ZKSCAN7: variants seen among roughly 807,000 people sequenced by gnomAD.
ZKSCAN7 encodes zinc finger protein with KRAB and SCAN domains 7.
In ZKSCAN7, 38 loss-of-function variants were observed where a neutral mutation model predicts 65.3. That is an observed-to-expected ratio of 0.58 (90% confidence interval 0.45 to 0.76). ZKSCAN7 has a LOEUF of 0.76. Among genes scored for constraint, ZKSCAN7 ranks in the 30% least tolerant of loss-of-function variants. The pLI is 0.00. For missense variants in ZKSCAN7, 815 were observed against 913.3 expected (o/e 0.89, Z 1.39); for synonymous variants, 321 against 321.0 (o/e 1.00, Z 0.00).
downstream of ZKSCAN7, among the ~76,000 whole-genome samples, chr3:44,572,849 C>CAAAGAAAAAAAAAAAAAAAA (rs1699845652): frequency 1.4e-5 from 1 of 72,436 alleles, no homozygotes; most frequent in Non-Finnish European, 2.7e-5. Flanking sequence ...GACTCTGTCT[C>CAAAGAAAAAAAAAAAAAAAA]AAAAAAAAAA....
Position 44,571,138 on chromosome 3 carries a change from C to T in ZKSCAN7, c.2028C>T (p.Ser676=), listed in dbSNP as rs1575376271. Residue 676 remains serine, a synonymous_variant, in exon 6 of 6, where the codon TCC becomes TCT. Coordinates refer to ENST00000426540, the MANE Select transcript of ZKSCAN7 (RefSeq NM_001288590.2). The part of the protein sequence containing the change: ...NECGKVFSYS[S]SLMVHQRTHT... ...GTGGGAAGGTATTCAGTTATAGCTC[C>T]AGCCTTATGGTACATCAGAGAACCC... The T allele has an allele frequency of 1.9e-6, 3 of 1,614,108 alleles. No individual in the cohort carries two copies. The highest frequency in any genetic ancestry group is 2.2e-5 in the East Asian group (1 of 44,880).
intron 5 of ZKSCAN7, chr3:44,582,945 T>TGTGTGTGTGA (rs71092320): frequency 2.4e-6 from 1 of 420,996 alleles, no homozygotes; most frequent in African/African-American, 2.1e-5. Flanking sequence ...TGTGTGTGTG[T>TGTGTGTGTGA]GACTGAGTTT....
Position 44,569,800 on chromosome 3 carries a change from A to G in ZKSCAN7, c.812-122A>G, listed in dbSNP as rs1699740006. The stretch of plus-strand genomic sequence containing the variant: ...ATTTCCCATTTTGCTCTTGTTCTCA[A>G]TGTGTCATCTCATTTCTTAACCATA... On this transcript the variant is annotated intron_variant, in intron 5 of 5. Coordinates refer to ENST00000426540, the MANE Select transcript of ZKSCAN7 (RefSeq NM_001288590.2). 4 of 1,396,192 alleles carry G rather than the reference A, an allele frequency of 2.9e-6. No individual in the cohort carries two copies. In the South Asian group the frequency reaches 6.5e-5, roughly 23 times the overall value. The allele number at this position is 1,396,192 out of a possible 1,614,324, so 86.5% of individuals were successfully genotyped here. A position where few individuals can be genotyped will look rare whatever the true frequency, so the allele number is the denominator to read the frequency against.
intron 5 of ZKSCAN7, chr3:44,580,886 G>A (rs1022230911): frequency 3.6e-5 from 58 of 1,613,518 alleles, no homozygotes; most frequent in Non-Finnish European, 4.5e-5. Context: ...GGAGCCAACC[G>A]CCATAAATGG....
At position 44,577,361 on chromosome 3, in the gene ZKSCAN7, G is replaced by A. The variant is rs530567957; in HGVS notation, c.812-5611G>A. On this transcript the variant is annotated intron_variant, in intron 5 of 5. Coordinates refer to the ZKSCAN7 transcript ENST00000341840. ...GAAAGGTTTGCCACGATTCTCAGGG[G>A]TGTGGTTCTAAGCTGCATCAGTGGA... Among the ~76,000 whole-genome samples, 8 of 152,138 alleles carry A rather than the reference G, an allele frequency of 5.3e-5. No individual in the cohort carries two copies. The South Asian group carries it at 1.7e-3, about 32-fold the overall frequency.
downstream of ZKSCAN7, among the ~76,000 whole-genome samples, chr3:44,576,276 C>T (rs1699922255): frequency 6.6e-6 from 1 of 152,162 alleles, no homozygotes; most frequent in African/African-American, 2.4e-5. Context: ...CATATATAGT[C>T]ATATCCACAG....
At chr3:44,580,165 G>A in intron 5 of ZKSCAN7, 1 of 1,608,952 alleles carries the variant, frequency 6.2e-7, no homozygotes, top group Non-Finnish European at 8.5e-7. Flanking sequence ...CTGGGGCTGG[G>A]AGGGGAGAGC....
At position 44,570,036 on chromosome 3, in the gene ZKSCAN7, C is replaced by T. The variant is rs374120621; in HGVS notation, c.926C>T (p.Ala309Val). The change falls in exon 6 of 6, where the codon GCA (alanine) becomes GTA (valine). Residue 309 changes from alanine (A) to valine (V), a missense_variant. Transcript: ENST00000426540. Reference protein sequence around the residue: ...GGLFGVVPGAAETGDVCEDTF... With the variant: ...GGLFGVVPGAVETGDVCEDTF... ...CTCTTTGGGGTGGTTCCTGGGGCAGCAGAGACTGGAGATGTTTGTGAAGAT... is the reference window on the plus strand; with the variant it reads ...CTCTTTGGGGTGGTTCCTGGGGCAGTAGAGACTGGAGATGTTTGTGAAGAT... The T allele has an allele frequency of 1.2e-6, 2 of 1,613,814 alleles. No individual in the cohort carries two copies. Among genetic ancestry groups the T allele is most frequent in the African/African-American group, 2.7e-5 (2 of 74,980 alleles).
At chr3:44,581,374 G>A (rs1700084666) in intron 5 of ZKSCAN7, among the ~76,000 whole-genome samples, 1 of 151,878 alleles carries the variant, frequency 6.6e-6, no homozygotes, top group South Asian at 2.1e-4. Context: ...CCCCGCGGCC[G>A]CTGCAAATGA....
chr3:44,580,116 A>G (rs916031135), intron 5 of ZKSCAN7: 7 of 1,610,312 alleles, frequency 4.3e-6, no homozygotes, highest in Non-Finnish European at 5.9e-6. Context: ...CAAGGCCTCA[A>G]ACTTTTCAAT....
intron 3 of ZKSCAN7, among the ~76,000 whole-genome samples, chr3:44,566,096 A>C (rs1044220399): frequency 2.0e-5 from 3 of 152,202 alleles, no homozygotes; most frequent in African/African-American, 7.2e-5. Flanking sequence ...TGGAACTGGT[A>C]AGGGATGCTT....
Position 44,571,616 on chromosome 3 carries a change from A to C in ZKSCAN7, c.*241A>C. ...TTCCTTTTTTTTTCTTTACTTTTAAATTTTAACTTTTAAAATCTATTTCAT... is the reference window on the plus strand; with the variant it reads ...TTCCTTTTTTTTTCTTTACTTTTAACTTTTAACTTTTAAAATCTATTTCAT... On this transcript the variant is annotated 3_prime_UTR_variant, in exon 6 of 6. Coordinates refer to ENST00000426540, the MANE Select transcript of ZKSCAN7 (RefSeq NM_001288590.2). The C allele has an allele frequency of 7.4e-7, 1 of 1,344,492 alleles. No individual in the cohort carries two copies. Among genetic ancestry groups the C allele is most frequent in the Non-Finnish European group, 9.5e-7 (1 of 1,051,292 alleles). 83.3% of individuals were successfully genotyped at this position (1,344,492 alleles called of 1,614,324 possible). A position where few individuals can be genotyped will look rare whatever the true frequency, so the allele number is the denominator to read the frequency against.
intron 5 of ZKSCAN7, among the ~76,000 whole-genome samples, chr3:44,581,665 A>G: frequency 6.6e-6 from 1 of 152,230 alleles, no homozygotes; most frequent in East Asian, 1.9e-4. Flanking sequence ...TAATATATAT[A>G]TGTTTTAGTC....
At chr3:44,556,842 G>A (rs1354464254) in intron 1 of ZKSCAN7, 88 bp from the exon 2 acceptor site, 1 of 681,348 alleles carries the variant, frequency 1.5e-6, no homozygotes, top group Non-Finnish European at 2.5e-6. Flanking sequence ...CTTTTTTCCT[G>A]GAGCTTTGTT....
chr3:44,579,976 G>GT lies in ZKSCAN7; in HGVS notation c.812-2996_812-2995insT, dbSNP rs201013054. The GT allele has an allele frequency of 3.9e-5, 57 of 1,480,044 alleles. 1 individual carries two copies. Among genetic ancestry groups the GT allele is most frequent in the South Asian group, 2.2e-4 (19 of 85,758 alleles). The allele number at this position is 1,480,044 out of a possible 1,614,324, so 91.7% of individuals were successfully genotyped here. A position where few individuals can be genotyped will look rare whatever the true frequency, so the allele number is the denominator to read the frequency against. ...GCCGAGGCGTCTGGGAGAGGAGCTTGGGGGGGGGCTTCATTGGTGAAGTCC... is the reference window on the plus strand; with the variant it reads ...GCCGAGGCGTCTGGGAGAGGAGCTTGTGGGGGGGGCTTCATTGGTGAAGTCC... On this transcript the variant is annotated intron_variant, in intron 5 of 5. Coordinates refer to the ZKSCAN7 transcript ENST00000341840.
chr3:44,581,042 G>A (rs1056529312), intron 5 of ZKSCAN7: 28 of 1,538,076 alleles, frequency 1.8e-5, no homozygotes, highest in Admixed American at 7.9e-5. Flanking sequence ...GCGCGGCGGC[G>A]GCGGCGGCGC....
chr3:44,565,743 C>T (rs1699614261), intron 3 of ZKSCAN7, 88 bp downstream of exon 3: 1 of 1,306,178 alleles, frequency 7.7e-7, no homozygotes, highest in East Asian at 2.7e-5. Context: ...TCTCCTACTC[C>T]ATGGAATCCC....
intron 5 of ZKSCAN7, among the ~76,000 whole-genome samples, chr3:44,582,063 G>T (rs954880814): frequency 3.9e-5 from 6 of 152,204 alleles, no homozygotes; most frequent in Non-Finnish European, 7.3e-5. Flanking sequence ...CTAACATCAG[G>T]TCATGCTCTG....
At chr3:44,575,877 CTTA>C (rs1182152579), downstream of ZKSCAN7, among the ~76,000 whole-genome samples, 1 of 152,032 alleles carries the variant, frequency 6.6e-6, no homozygotes, top group Non-Finnish European at 1.5e-5. Flanking sequence ...TGCGCCTGGC[CTTA>C]TTATTATTAT....
Sources: gnomAD v4.1 joint callset for allele counts (sites outside exome capture counted in the v4.1 genomes callset) on GRCh38, gnomAD v4.1.1 for gene constraint, MANE v1.5 for transcripts, NCBI Gene and HGNC (gene_info 2026-07-23, HGNC 2026-07-21) for gene names.